PANK3: variants seen among roughly 807,000 people sequenced by gnomAD.
PANK3 encodes the protein pantothenate kinase 3, also known as hPanK3.
A neutral mutation model predicts 39.4 loss-of-function variants in PANK3; 20 were observed. The observed-to-expected ratio is 0.51, with a 90% confidence interval of 0.36 to 0.74. The LOEUF (loss-of-function observed/expected upper bound fraction) is 0.74. PANK3 is among the 30% of genes least tolerant of loss of function. PANK3 has a pLI of 0.00. For missense variants in PANK3, 265 were observed against 437.0 expected, an observed-to-expected ratio of 0.61 and a Z score of 3.51; for synonymous variants, 140 against 157.3, an observed-to-expected ratio of 0.89 and a Z score of 0.82.
intron 1 of PANK3, among the ~76,000 whole-genome samples, chr5:168,571,132 C>T (rs1366692980): frequency 6.6e-6 from 1 of 152,084 alleles, no homozygotes; most frequent in African/African-American, 2.4e-5. Context: ...TCACCTGATT[C>T]CTTCAGGTTA....
intron 1 of PANK3, chr5:168,578,818 A>G (rs1759775635): frequency 6.2e-6 from 1 of 160,960 alleles, no homozygotes; most frequent in Non-Finnish European, 1.4e-5. Context: ...AACAACAGTG[A>G]CAACTCCCAG....
chr5:168,575,708 C>A (rs1181469347), intron 1 of PANK3, among the ~76,000 whole-genome samples: 1 of 152,056 alleles, frequency 6.6e-6, no homozygotes, highest in African/African-American at 2.4e-5. Flanking sequence ...ATTGCTTGAG[C>A]CTGGCATGCC....
In PANK3 at chr5:168,563,916, C is replaced by T. The variant is rs1759483918; in HGVS notation, c.785G>A (p.Gly262Asp). The change falls in exon 4 of 7, where the codon GGT becomes GAT. Residue 262 changes from glycine (G) to aspartate (D), a missense_variant. Transcript: ENST00000239231. ...AGATGCTACAGCCCAACCTGGCAAA[C>T]CAAATCTTTCATAATCTCCTCCATA... Reference protein sequence around the residue: ...DIYGGDYERFGLPGWAVASSF... With the variant: ...DIYGGDYERFDLPGWAVASSF... The T allele has an allele frequency of 1.2e-6, 2 of 1,610,834 alleles. No individual in the cohort carries two copies. Among genetic ancestry groups the T allele is most frequent in the Non-Finnish European group, 1.7e-6 (2 of 1,178,638 alleles).
chr5:168,548,670 T>C lies in PANK3; in HGVS notation c.*8901A>G, dbSNP rs1759229764. On this transcript the variant is annotated 3_prime_UTR_variant, in exon 7 of 7. Transcript: ENST00000239231. ...ACAAGCAAAACCCAAGTTACCTTCA[T>C]GCAAATAAGCATTAAGGAAAAGAAT... 1 of 152,190 alleles carries C rather than the reference T, an allele frequency of 6.6e-6. No individual in the cohort carries two copies. Among genetic ancestry groups the C allele is most frequent in the African/African-American group, 2.4e-5 (1 of 41,452 alleles). 9.4% of individuals were successfully genotyped at this position (152,190 alleles called of 1,614,324 possible). A position where few individuals can be genotyped will look rare whatever the true frequency, so the allele number is the denominator to read the frequency against.
At chr5:168,566,374 A>C in intron 2 of PANK3, 108 bp from the exon 3 acceptor site, 1 of 1,215,810 alleles carries the variant, frequency 8.2e-7, no homozygotes. Context: ...TATGACCCCC[A>C]CATTTTCATT....
At chr5:168,561,676 C>T (rs1759451226) in intron 4 of PANK3, among the ~76,000 whole-genome samples, 160 bp from the exon 5 acceptor site, 1 of 151,974 alleles carries the variant, frequency 6.6e-6, no homozygotes, top group African/African-American at 2.4e-5. Context: ...AAAATCTATG[C>T]AAGAGTAAAG....
At chr5:168,575,812 G>A (rs546529759) in intron 1 of PANK3, among the ~76,000 whole-genome samples, 221 of 151,958 alleles carry the variant, frequency 1.5e-3, no homozygotes, top group Non-Finnish European at 2.8e-3. Context: ...AAAGAAATAG[G>A]GGAGGGGGGA....
In PANK3 at chr5:168,569,274, T is replaced by G. The variant is rs1759589102; in HGVS notation, c.29-276A>C. ...ATCTTGGCTCACTGCAAACTCCGCC[T>G]CCCGGGTTCACGCCATTCTCCTGCC... is the stretch of plus-strand genomic sequence containing the variant. On this transcript the variant is annotated intron_variant, in intron 1 of 6. Coordinates refer to ENST00000239231, the MANE Select transcript of PANK3 (RefSeq NM_024594.4). Among the ~76,000 whole-genome samples, 4 of 139,092 alleles carry G rather than the reference T, an allele frequency of 2.9e-5. No individual in the cohort carries two copies. In the South Asian group the frequency reaches 9.3e-4, roughly 32 times the overall value. The allele number at this position is 139,092 out of a possible 152,430, so 91.2% of individuals were successfully genotyped here. A position where few individuals can be genotyped will look rare whatever the true frequency, so the allele number is the denominator to read the frequency against.
Position 168,552,678 on chromosome 5 carries a change from A to T in PANK3, c.*4893T>A, listed in dbSNP as rs897016926. ...CATCCCACCATACTCATCCTTTAAT[A>T]ACAAAGAAACAATCATGAGGACAGA... On this transcript the variant is annotated 3_prime_UTR_variant, in exon 7 of 7. Coordinates refer to ENST00000239231, the MANE Select transcript of PANK3 (RefSeq NM_024594.4). 1 of 208,474 alleles carries T rather than the reference A, an allele frequency of 4.8e-6. No homozygotes were observed. Among genetic ancestry groups the T allele is most frequent in the Non-Finnish European group, 1.1e-5 (1 of 88,896 alleles). 12.9% of individuals were successfully genotyped at this position (208,474 alleles called of 1,614,324 possible).
chr5:168,557,195 TA>T lies in PANK3; in HGVS notation c.*375del, dbSNP rs1759362588. The T allele has an allele frequency of 5.8e-6, 1 of 172,698 alleles. No homozygotes were observed. Among genetic ancestry groups the T allele is most frequent in the South Asian group, 1.7e-4 (1 of 5,718 alleles). 10.7% of individuals were successfully genotyped at this position (172,698 alleles called of 1,614,324 possible). A position where few individuals can be genotyped will look rare whatever the true frequency, so the allele number is the denominator to read the frequency against. ...TCTGCTCACTAGTAATCAAAACACA[TA>T]AAACAGACTTGTAACAAATATTCAG... On this transcript the variant is annotated 3_prime_UTR_variant, in exon 7 of 7. Coordinates refer to ENST00000239231, the MANE Select transcript of PANK3 (RefSeq NM_024594.4).
intron 3 of PANK3, among the ~76,000 whole-genome samples, chr5:168,564,634 CACT>C (rs997327833): frequency 2.0e-5 from 3 of 152,086 alleles, no homozygotes; most frequent in African/African-American, 4.8e-5. Flanking sequence ...ATGGGGGTCT[CACT>C]ATGTTTCCCA....
intron 2 of PANK3, among the ~76,000 whole-genome samples, chr5:168,567,354 T>A (rs1375722351): frequency 2.0e-5 from 3 of 152,232 alleles, no homozygotes; most frequent in African/African-American, 4.8e-5. Flanking sequence ...AATTTCTGAT[T>A]AATAACTGAT....
At chr5:168,576,903 G>A (rs960333071) in intron 1 of PANK3, among the ~76,000 whole-genome samples, 1 of 151,678 alleles carries the variant, frequency 6.6e-6, no homozygotes, top group Non-Finnish European at 1.5e-5. Context: ...TATTTGAGAC[G>A]GAGTGTTGCT....
intron 5 of PANK3, chr5:168,560,817 TG>T: frequency 3.8e-6 from 1 of 265,190 alleles, no homozygotes; most frequent in Non-Finnish European, 8.7e-6. Flanking sequence ...CCCAACTATA[TG>T]GTCAATCTAA....
In PANK3 at chr5:168,565,885, A is replaced by ATTTTT. The variant is rs57664567; in HGVS notation, c.635+123_635+127dup. ...AAAAAAAAAATATATATATATATAT[A>ATTTTT]TTTTTTTTTTTTGCTGTTGTGCAAA... On this transcript the variant is annotated intron_variant, in intron 3 of 6. Coordinates refer to ENST00000239231, the MANE Select transcript of PANK3 (RefSeq NM_024594.4). The ATTTTT allele has an allele frequency of 7.7e-5, 15 of 194,738 alleles. No homozygotes were observed. In the South Asian group the frequency reaches 1.1e-3, roughly 14 times the overall value. 12.1% of individuals were successfully genotyped at this position (194,738 alleles called of 1,614,324 possible). A position where few individuals can be genotyped will look rare whatever the true frequency, so the allele number is the denominator to read the frequency against.
At chr5:168,562,168 G>C (rs1321520456) in intron 4 of PANK3, among the ~76,000 whole-genome samples, 1 of 152,054 alleles carries the variant, frequency 6.6e-6, no homozygotes, top group Non-Finnish European at 1.5e-5. Context: ...ACATACAAAA[G>C]ACAGCAAGAG....
chr5:168,569,987 C>T (rs1759600623), intron 1 of PANK3, among the ~76,000 whole-genome samples: 1 of 151,826 alleles, frequency 6.6e-6, no homozygotes, highest in African/African-American at 2.4e-5. Flanking sequence ...GAGGCTGGGG[C>T]TGCGGTGAGC....
intron 6 of PANK3, 65 bp downstream of exon 6, chr5:168,558,965 CAG>C: frequency 6.8e-7 from 1 of 1,472,972 alleles, no homozygotes; most frequent in East Asian, 2.4e-5. Flanking sequence ...GCCTGAGTGA[CAG>C]AGCAAGACCC....
chr5:168,561,920 TCAAA>T (rs1238240263), intron 4 of PANK3, among the ~76,000 whole-genome samples: 15 of 152,188 alleles, frequency 9.9e-5, no homozygotes, highest in African/African-American at 3.4e-4. Context: ...AGATAGTCCC[TCAAA>T]CAGTGAATTA....
Sources: allele counts gnomAD v4.1 joint callset (sites outside exome capture counted in the v4.1 genomes callset), GRCh38; gene constraint gnomAD v4.1.1; transcripts MANE v1.5; gene names NCBI Gene and HGNC (gene_info 2026-07-23, HGNC 2026-07-21).